The following FAIM variants were observed in gnomAD, a reference collection of about 807,000 sequenced individuals.
FAIM encodes the protein Fas apoptotic inhibitory molecule.
In FAIM, 14 loss-of-function variants were observed where a neutral mutation model predicts 21.2. The observed-to-expected ratio is 0.66, with a 90% CI of 0.44 to 1.03. The LOEUF (loss-of-function observed/expected upper bound fraction) is 1.03. Ranked by LOEUF, FAIM falls within the 50% of genes least tolerant of loss-of-function variation. FAIM has a pLI of 0.00. For synonymous variants in FAIM, 86 were observed against 80.4 expected (o/e 1.07, Z -0.37); for missense variants, 222 against 247.1 (o/e 0.90, Z 0.68).
At chr3:138,614,042 G>C (rs1164258360) in intron 1 of FAIM, among the ~76,000 whole-genome samples, 1 of 152,200 alleles carries the variant, frequency 6.6e-6, no homozygotes, top group Non-Finnish European at 1.5e-5. Flanking sequence ...CTGTTGAAGA[G>C]ACTATTCTTT....
At chr3:138,617,151 T>C (rs900390831) in intron 1 of FAIM, among the ~76,000 whole-genome samples, 2 of 151,828 alleles carry the variant, frequency 1.3e-5, no homozygotes, top group Non-Finnish European at 2.9e-5. Flanking sequence ...TGAAAAGGTA[T>C]TATAATTAAG....
intron 5 of FAIM, chr3:138,630,300 G>C (rs2042991448): frequency 6.6e-6 from 1 of 151,936 alleles, no homozygotes; most frequent in South Asian, 2.1e-4. Flanking sequence ...TTTCTGAGGA[G>C]GTGACAAAAC....
intron 2 of FAIM, 101 bp from the exon 3 acceptor site, chr3:138,621,306 C>T (rs2042882120): frequency 1.6e-6 from 2 of 1,241,078 alleles, no homozygotes; most frequent in African/African-American, 1.5e-5. Context: ...AATATTTTGA[C>T]ATTTTAGAGG....
intron 1 of FAIM, chr3:138,611,089 T>C (rs370708515): frequency 3.1e-6 from 4 of 1,301,384 alleles, no homozygotes. Flanking sequence ...ACTATTGGTA[T>C]GCTGGATGAA....
At chr3:138,629,448 G>T in intron 5 of FAIM, 1 of 179,722 alleles carries the variant, frequency 5.6e-6, no homozygotes, top group Non-Finnish European at 1.0e-5. Context: ...AGAGCCCCTA[G>T]TTAAAAAATT....
chr3:138,609,599 TCTCTCTCTCTCTCGA>T (rs1345904335), intron 1 of FAIM, among the ~76,000 whole-genome samples: 7 of 69,370 alleles, frequency 1.0e-4, no homozygotes, highest in Admixed American at 1.9e-4. Flanking sequence ...CTCGACTCTC[TCTCTCTCTCTCTCGA>T]CTCTCTCTCT....
At chr3:138,628,775 G>C (rs889140372) in intron 4 of FAIM, among the ~76,000 whole-genome samples, 2 of 152,060 alleles carry the variant, frequency 1.3e-5, no homozygotes, top group Non-Finnish European at 2.9e-5. Flanking sequence ...GAGCCACCGC[G>C]CCCGGCCTGT....
intron 4 of FAIM, among the ~76,000 whole-genome samples, chr3:138,623,266 CTT>C (rs2042906753): frequency 1.3e-5 from 2 of 152,056 alleles, no homozygotes; most frequent in African/African-American, 2.4e-5. Context: ...TTGGGTTTCT[CTT>C]TTCTTATGGG....
Position 138,629,117 on chromosome 3 carries a change from T to C in FAIM, c.417T>C (p.Ala139=). Residue 139 remains alanine, a synonymous_variant, in exon 5 of 6, where the codon GCT becomes GCC. Coordinates refer to ENST00000360570, the MANE Select transcript of FAIM (RefSeq NM_001033031.2). Reference sequence around the variant, plus strand: ...ATGTTACCTTTACAGAAAAAGATGCTATGGACGTATGGTGCAATGGTAAAA... The same window carrying C: ...ATGTTACCTTTACAGAAAAAGATGCCATGGACGTATGGTGCAATGGTAAAA... The part of the protein sequence containing the change: ...ENFRIVLEKD[A]MDVWCNGKKL... The C allele has an allele frequency of 1.2e-6, 2 of 1,609,858 alleles. No homozygotes were observed. Among genetic ancestry groups the C allele is most frequent in the African/African-American group, 1.4e-5 (1 of 73,462 alleles).
At chr3:138,622,121 G>A (rs929632997) in intron 3 of FAIM, 67 bp from the exon 4 acceptor site, 21 of 1,297,030 alleles carry the variant, frequency 1.6e-5, no homozygotes, top group South Asian at 1.2e-4. Context: ...TTCACTTTAC[G>A]TTATTTCTAA....
At chr3:138,624,966 G>A (rs1354943346) in intron 4 of FAIM, among the ~76,000 whole-genome samples, 2 of 152,236 alleles carry the variant, frequency 1.3e-5, no homozygotes, top group African/African-American at 2.4e-5. Flanking sequence ...AGGAGTTCAA[G>A]ACCAGCCTGG....
intron 4 of FAIM, among the ~76,000 whole-genome samples, chr3:138,628,622 C>T (rs918302064): frequency 6.6e-6 from 1 of 151,872 alleles, no homozygotes; most frequent in African/African-American, 2.4e-5. Context: ...GTAGCTGGGA[C>T]TACAGGCACC....
At chr3:138,616,110 A>G (rs905911591) in intron 1 of FAIM, among the ~76,000 whole-genome samples, 2 of 152,182 alleles carry the variant, frequency 1.3e-5, no homozygotes, top group Non-Finnish European at 2.9e-5. Flanking sequence ...TTGGAGGGAT[A>G]TGTGTTACTG....
At chr3:138,617,219 G>A (rs758091200) in intron 1 of FAIM, among the ~76,000 whole-genome samples, 7 of 151,478 alleles carry the variant, frequency 4.6e-5, no homozygotes, top group Non-Finnish European at 8.8e-5. Flanking sequence ...AGAAAACAGA[G>A]CAATTGTTTT....
chr3:138,619,362 G>C (rs1044396895), intron 1 of FAIM, among the ~76,000 whole-genome samples: 3 of 152,178 alleles, frequency 2.0e-5, no homozygotes, highest in African/African-American at 7.2e-5. Context: ...AACTTGAAAA[G>C]CATAGGACCC....
At chr3:138,628,874 A>T (rs2042970660) in intron 4 of FAIM, among the ~76,000 whole-genome samples, 1 of 152,206 alleles carries the variant, frequency 6.6e-6, no homozygotes, top group Non-Finnish European at 1.5e-5. Flanking sequence ...CTTTCTCTTA[A>T]AAGGTTGTTT....
intron 1 of FAIM, among the ~76,000 whole-genome samples, chr3:138,619,118 C>G (rs2042857822): frequency 1.3e-5 from 2 of 152,192 alleles, no homozygotes; most frequent in Non-Finnish European, 2.9e-5. Context: ...ATTAAGTTCA[C>G]TCTTTGAGAG....
At chr3:138,628,554 G>A (rs1282233849) in intron 4 of FAIM, among the ~76,000 whole-genome samples, 3 of 151,374 alleles carry the variant, frequency 2.0e-5, no homozygotes, top group African/African-American at 4.9e-5. Context: ...GTGCGGTCTC[G>A]GCTCACTGCA....
At chr3:138,615,794 G>A (rs760372361) in intron 1 of FAIM, among the ~76,000 whole-genome samples, 49 of 152,284 alleles carry the variant, frequency 3.2e-4, no homozygotes, top group Admixed American at 9.1e-4. Flanking sequence ...CTGCTTTTGA[G>A]CCAGAAGAGC....
Sources: allele counts gnomAD v4.1 joint callset (sites outside exome capture counted in the v4.1 genomes callset), GRCh38; gene constraint gnomAD v4.1.1; transcripts MANE v1.5; gene names NCBI Gene and HGNC (gene_info 2026-07-23, HGNC 2026-07-21).